Variants in LARGE1 observed in about 807,000 individuals in gnomAD.
LARGE1 encodes the protein xylosyl- and glucuronyltransferase LARGE1.
Under a neutral mutation model 87.6 loss-of-function variants are expected in LARGE1, and 43 were observed. That is an observed-to-expected ratio of 0.49 (90% CI 0.38 to 0.63). The LOEUF (loss-of-function observed/expected upper bound fraction) is 0.63. LARGE1 is among the 30% of genes least tolerant of loss of function. LARGE1 has a pLI of 0.00. For synonymous variants in LARGE1, 434 were observed against 394.6 expected (o/e 1.10, Z -1.18); for missense variants, 802 against 1,000.2 (o/e 0.80, Z 2.67).
intron 2 of LARGE1, among the ~76,000 whole-genome samples, chr22:33,702,182 T>C (rs2082421645): frequency 6.6e-6 from 1 of 152,238 alleles, no homozygotes; most frequent in Non-Finnish European, 1.5e-5. Context: ...AAATGCTAGA[T>C]ATGAATTACA....
intron 11 of LARGE1, among the ~76,000 whole-genome samples, chr22:33,225,765 T>C (rs1047309699): frequency 2.6e-5 from 4 of 152,212 alleles, no homozygotes; most frequent in Non-Finnish European, 5.9e-5. Context: ...TATGTGTCTA[T>C]GTGTTCTCAT....
chr22:33,449,850 G>T (rs2067839733), intron 6 of LARGE1, among the ~76,000 whole-genome samples: 1 of 152,106 alleles, frequency 6.6e-6, no homozygotes, highest in Non-Finnish European at 1.5e-5. Context: ...CAAGAAGACT[G>T]CGTCCCTCAT....
chr22:33,221,479 T>A (rs1925457058), intron 11 of LARGE1: 1 of 152,224 alleles, frequency 6.6e-6, no homozygotes, highest in Non-Finnish European at 1.5e-5. Flanking sequence ...TCAAGGTCAC[T>A]ATTCTGGAAT....
intron 6 of LARGE1, among the ~76,000 whole-genome samples, chr22:33,480,974 C>G (rs1194829717): frequency 6.6e-6 from 1 of 152,016 alleles, no homozygotes; most frequent in Non-Finnish European, 1.5e-5. Context: ...TTAAATTTAT[C>G]TGTTTTTGGA....
chr22:33,259,234 C>A (rs1369614997), intron 11 of LARGE1, among the ~76,000 whole-genome samples: 2 of 152,064 alleles, frequency 1.3e-5, no homozygotes, highest in Admixed American at 1.3e-4. Context: ...TGTTCCCATT[C>A]CTTACCTTTA....
the LARGE1 span, among the ~76,000 whole-genome samples, chr22:33,088,394 C>A: frequency 2.0e-5 from 3 of 152,154 alleles, no homozygotes; most frequent in Non-Finnish European, 4.4e-5. Context: ...TTATAATACT[C>A]CACATATTTG....
At chr22:33,179,230 C>CAAA (rs1163176283) in intron 11 of LARGE1, among the ~76,000 whole-genome samples, 1 of 152,176 alleles carries the variant, frequency 6.6e-6, no homozygotes, top group Admixed American at 6.5e-5. Context: ...TCCACACATG[C>CAAA]AGCTATGGGG....
At chr22:33,302,237 C>T (rs1934245725) in intron 12 of LARGE1, among the ~76,000 whole-genome samples, 2 of 152,354 alleles carry the variant, frequency 1.3e-5, no homozygotes, top group East Asian at 1.9e-4. Flanking sequence ...GATTCTAAGA[C>T]CCAGCAGGCA....
chr22:33,818,182 C>T lies in LARGE1; in HGVS notation c.-82-56624G>A, dbSNP rs573327438. Among the ~76,000 whole-genome samples the T allele has an allele frequency of 3.6e-4, 55 of 152,332 alleles. No individual in the cohort carries two copies. In the South Asian group the frequency reaches 9.3e-3, roughly 26 times the overall value. ...TTCTCATAGGGCTTCTTGAGACTCACACCTTCCCATCCAGCTGTGCCCCCT... is the reference window on the plus strand; with the variant it reads ...TTCTCATAGGGCTTCTTGAGACTCATACCTTCCCATCCAGCTGTGCCCCCT... On this transcript the variant is annotated intron_variant, in intron 1 of 14. Transcript: ENST00000397394.
chr22:33,306,563 A>G (rs1934954986), intron 11 of LARGE1, among the ~76,000 whole-genome samples: 1 of 152,030 alleles, frequency 6.6e-6, no homozygotes, highest in Admixed American at 6.6e-5. Context: ...TCCTAAGCTC[A>G]GCCAAGAGTT....
intron 1 of LARGE1, among the ~76,000 whole-genome samples, chr22:33,902,593 C>T (rs562382269): frequency 3.3e-5 from 5 of 152,124 alleles, no homozygotes; most frequent in Admixed American, 6.6e-5. Flanking sequence ...AAGCAGTACC[C>T]GAATAATAAA....
rs987091285 is a variant in LARGE1 at position 33,216,561 on chromosome 22, G to A, written c.1731-49729C>T. ...GAAGAATGGTGTGAACCCAGGAGGCGGAGCTTGCAGTGGGCGACAGCGTGA... is the reference window on the plus strand; with the variant it reads ...GAAGAATGGTGTGAACCCAGGAGGCAGAGCTTGCAGTGGGCGACAGCGTGA... On this transcript the variant is annotated intron_variant, in intron 11 of 11. Transcript: ENST00000608642. Among the ~76,000 whole-genome samples the A allele has an allele frequency of 1.1e-4, 16 of 150,286 alleles. No individual in the cohort carries two copies. The East Asian group carries it at 1.6e-3, about 15-fold the overall frequency.
chr22:33,469,913 G>A (rs1401813266), intron 6 of LARGE1, among the ~76,000 whole-genome samples: 23 of 134,646 alleles, frequency 1.7e-4, no homozygotes, highest in African/African-American at 5.0e-4. Context: ...TTTCTGACAC[G>A]GAGTCTCGCT....
chr22:33,090,194 G>C, the LARGE1 span, among the ~76,000 whole-genome samples: 1 of 152,214 alleles, frequency 6.6e-6, no homozygotes, highest in Non-Finnish European at 1.5e-5. Flanking sequence ...GACAGAGCAA[G>C]ACTCCGTCTC....
intron 7 of LARGE1, among the ~76,000 whole-genome samples, chr22:33,429,107 T>G (rs1354711087): frequency 6.6e-6 from 1 of 151,900 alleles, no homozygotes; most frequent in East Asian, 1.9e-4. Flanking sequence ...CTGGAGATAT[T>G]CTTTTTGGAG....
intron 11 of LARGE1, among the ~76,000 whole-genome samples, chr22:33,306,172 C>A (rs1382325659): frequency 6.6e-6 from 1 of 152,140 alleles, no homozygotes; most frequent in East Asian, 1.9e-4. Flanking sequence ...AAAAGGCATG[C>A]ATTCTCCATG....
At chr22:33,415,243 T>C (rs770126633) in intron 7 of LARGE1, among the ~76,000 whole-genome samples, 8 of 152,204 alleles carry the variant, frequency 5.3e-5, no homozygotes, top group Non-Finnish European at 8.8e-5. Flanking sequence ...ATTTTCCTTC[T>C]AATCAGCATG....
the LARGE1 span, among the ~76,000 whole-genome samples, chr22:33,111,419 C>T: frequency 1.3e-5 from 2 of 152,118 alleles, no homozygotes; most frequent in Non-Finnish European, 2.9e-5. Flanking sequence ...ATGATTATAG[C>T]CACACAAAGG....
intron 10 of LARGE1, among the ~76,000 whole-genome samples, chr22:33,331,290 C>G (rs1348452585): frequency 6.6e-6 from 1 of 152,126 alleles, no homozygotes; most frequent in African/African-American, 2.4e-5. Flanking sequence ...ATTCAGATTA[C>G]CAGAGAGCTC....
Sources: allele counts gnomAD v4.1 joint callset (sites outside exome capture counted in the v4.1 genomes callset), GRCh38; gene constraint gnomAD v4.1.1; transcripts MANE v1.5; gene names NCBI Gene and HGNC (gene_info 2026-07-23, HGNC 2026-07-21).